TRAPPC9: variants seen among roughly 807,000 people sequenced by gnomAD.
TRAPPC9 encodes trafficking protein particle complex subunit 9, also known as IKK2 binding protein.
In TRAPPC9, 83 loss-of-function variants were observed where a neutral mutation model predicts 124.0. That is an observed-to-expected ratio of 0.67 (90% CI 0.56 to 0.80). The LOEUF (loss-of-function observed/expected upper bound fraction) is 0.80. TRAPPC9 is among the 30% of genes least tolerant of loss of function. The probability of loss-of-function intolerance (pLI) is 0.00; values close to 1 mark genes in which losing one functional copy is unlikely to be tolerated. For synonymous variants in TRAPPC9, 638 were observed against 617.5 expected, an observed-to-expected ratio of 1.03 and a Z score of -0.49; for missense variants, 1,302 against 1,508.3, an observed-to-expected ratio of 0.86 and a Z score of 2.27.
At chr8:139,758,709 T>C (rs191974562) in intron 21 of TRAPPC9, among the ~76,000 whole-genome samples, 4 of 152,232 alleles carry the variant, frequency 2.6e-5, no homozygotes, top group Non-Finnish European at 5.9e-5. Flanking sequence ...GTGAAGGCGG[T>C]TGGGGCAGGC....
intron 17 of TRAPPC9, among the ~76,000 whole-genome samples, chr8:140,207,226 G>T (rs1224402711): frequency 6.6e-6 from 1 of 152,150 alleles, no homozygotes; most frequent in African/African-American, 2.4e-5. Context: ...TAACAAAGCG[G>T]GTAAAAAGCT....
intron 19 of TRAPPC9, among the ~76,000 whole-genome samples, chr8:139,936,960 G>A (rs972674860): frequency 7.4e-6 from 1 of 134,516 alleles, no homozygotes; most frequent in Non-Finnish European, 1.6e-5. Flanking sequence ...TGGAGAGAGT[G>A]GGCGAGTGGG....
At chr8:139,935,305 G>A (rs1383964734) in intron 19 of TRAPPC9, among the ~76,000 whole-genome samples, 2 of 152,224 alleles carry the variant, frequency 1.3e-5, no homozygotes, top group African/African-American at 2.4e-5. Context: ...GAGCTCTCGC[G>A]TATCCTGTCT....
intron 9 of TRAPPC9, among the ~76,000 whole-genome samples, chr8:140,356,607 TAA>T (rs1373944973): frequency 5.4e-5 from 8 of 149,372 alleles, no homozygotes; most frequent in African/African-American, 2.0e-4. Context: ...GTGTTCCTTG[TAA>T]AAAGAATGTG....
intron 21 of TRAPPC9, among the ~76,000 whole-genome samples, chr8:139,734,244 T>C (rs996415564): frequency 1.3e-5 from 2 of 152,214 alleles, no homozygotes; most frequent in African/African-American, 2.4e-5. Context: ...GTGCTCTCCA[T>C]AGCCCGTGTG....
chr8:140,104,824 C>A lies in TRAPPC9; in HGVS notation c.2557-80745G>T, dbSNP rs1487576566. Among the ~76,000 whole-genome samples, 1 of 152,188 alleles carries A rather than the reference C, an allele frequency of 6.6e-6. No homozygotes were observed. Among genetic ancestry groups the A allele is most frequent in the Non-Finnish European group, 1.5e-5 (1 of 68,030 alleles). ...ATTAGGACATTTCCCAGAGTTGCCT[C>A]GAACTGAAGCCTTACTTCCTCTTTC... On this transcript the variant is annotated intron_variant, in intron 17 of 22. Coordinates refer to ENST00000438773, the MANE Select transcript of TRAPPC9 (RefSeq NM_001160372.4). The surrounding 1 kb of genome is among the most constrained non-coding windows in gnomAD (Gnocchi z 4.0).
At chr8:140,236,544 T>C (rs1445465310) in intron 16 of TRAPPC9, among the ~76,000 whole-genome samples, 1 of 152,224 alleles carries the variant, frequency 6.6e-6, no homozygotes, top group African/African-American at 2.4e-5. Flanking sequence ...GGTGTTTACA[T>C]AGATTCATAT....
At chr8:140,105,368 GGT>G (rs1165421472) in intron 17 of TRAPPC9, among the ~76,000 whole-genome samples, 1 of 152,172 alleles carries the variant, frequency 6.6e-6, no homozygotes, top group Non-Finnish European at 1.5e-5. Context: ...GTCTCCCCCT[GGT>G]TATCCAGTTT....
chr8:139,822,908 C>A (rs1010592791), intron 21 of TRAPPC9, among the ~76,000 whole-genome samples: 1 of 152,194 alleles, frequency 6.6e-6, no homozygotes, highest in African/African-American at 2.4e-5. Context: ...AAGTCCAAGA[C>A]CAAGGTGCCA....
At chr8:139,830,120 G>A (rs1380286229) in intron 21 of TRAPPC9, among the ~76,000 whole-genome samples, 3 of 152,220 alleles carry the variant, frequency 2.0e-5, no homozygotes, top group African/African-American at 7.2e-5. Context: ...GAAACAGGAC[G>A]ATGGTCTGTG....
chr8:139,804,146 CCCA>C (rs1187877812), intron 21 of TRAPPC9, among the ~76,000 whole-genome samples: 12 of 129,280 alleles, frequency 9.3e-5, no homozygotes, highest in East Asian at 5.5e-4. Context: ...CCCACCACCA[CCCA>C]CCACCACCAC....
intron 21 of TRAPPC9, among the ~76,000 whole-genome samples, chr8:139,763,865 T>C (rs1438384437): frequency 6.6e-6 from 1 of 152,018 alleles, no homozygotes; most frequent in East Asian, 1.9e-4. Context: ...GTGGAAGGGG[T>C]CAGGTGTTGG....
chr8:140,017,851 C>CT (rs941089334), intron 18 of TRAPPC9, among the ~76,000 whole-genome samples: 107 of 150,386 alleles, frequency 7.1e-4, no homozygotes, highest in African/African-American at 2.2e-3. Context: ...GCATGGTATA[C>CT]TTTTTTTTTT....
chr8:140,187,297 G>A (rs950199429), intron 17 of TRAPPC9, among the ~76,000 whole-genome samples: 6 of 152,162 alleles, frequency 3.9e-5, no homozygotes, highest in East Asian at 1.9e-4. Context: ...CCTTGGAGCC[G>A]ATGCCCCACC....
At chr8:139,755,771 G>A (rs1217055479) in intron 21 of TRAPPC9, among the ~76,000 whole-genome samples, 18 of 132,828 alleles carry the variant, frequency 1.4e-4, no homozygotes, top group Admixed American at 1.5e-4. Flanking sequence ...GCCAGGGTTT[G>A]GGGATGAGGA....
At chr8:140,420,659 T>C (rs1051498893) in intron 5 of TRAPPC9, among the ~76,000 whole-genome samples, 2 of 152,152 alleles carry the variant, frequency 1.3e-5, no homozygotes, top group South Asian at 2.1e-4. Context: ...GTTTGTTACA[T>C]GTATAAGTTA....
At chr8:140,314,219 C>T (rs1307143370) in intron 9 of TRAPPC9, among the ~76,000 whole-genome samples, 3 of 152,174 alleles carry the variant, frequency 2.0e-5, no homozygotes, top group African/African-American at 7.2e-5. Context: ...TGTGAAACTC[C>T]AGTAATGACC....
In TRAPPC9 at chr8:139,928,978, TACGGGAG is replaced by T. The variant is rs200814894; in HGVS notation, c.2811-18685_2811-18679del. ...AAGCATCACGCCCCTCGATGTTGCTTACGGGAGACGTGTGCGTGGGCGCGGGAGGGTG... is the reference window on the plus strand; with the variant it reads ...AAGCATCACGCCCCTCGATGTTGCTTACGTGTGCGTGGGCGCGGGAGGGTG... On this transcript the variant is annotated intron_variant, in intron 19 of 22. Coordinates refer to ENST00000438773, the MANE Select transcript of TRAPPC9 (RefSeq NM_001160372.4). Among the ~76,000 whole-genome samples the T allele has an allele frequency of 9.4e-3, 1,426 of 152,146 alleles. 29 individuals carry two copies. The highest frequency in any genetic ancestry group is 0.033 in the African/African-American group (1,353 of 41,532).
Position 139,824,280 on chromosome 8 carries a change from G to T in TRAPPC9, c.3055+61599C>A, listed in dbSNP as rs548751023. ...TCATCTGCAAAACGGATGAGGTGAGGAAGTCGCCGGGTCACTGTGACGATG... is the reference window on the plus strand; with the variant it reads ...TCATCTGCAAAACGGATGAGGTGAGTAAGTCGCCGGGTCACTGTGACGATG... On this transcript the variant is annotated intron_variant, in intron 21 of 22. Transcript: ENST00000438773. Among the ~76,000 whole-genome samples, 7 of 152,290 alleles carry T rather than the reference G, an allele frequency of 4.6e-5. No homozygotes were observed. In the East Asian group the frequency reaches 1.2e-3, roughly 25 times the overall value.
Sources: gnomAD v4.1 joint callset for allele counts (sites outside exome capture counted in the v4.1 genomes callset) on GRCh38, gnomAD v4.1.1 for gene constraint, Gnocchi (gnomAD v3.1) non-coding constraint, MANE v1.5 for transcripts, NCBI Gene and HGNC (gene_info 2026-07-23, HGNC 2026-07-21) for gene names.